Variants in PREX2 observed in about 807,000 individuals in gnomAD.
PREX2 encodes phosphatidylinositol 3,4,5-trisphosphate-dependent Rac exchanger 2 protein.
Under a neutral mutation model 203.2 loss-of-function variants are expected in PREX2, and 107 were observed. The ratio of observed to expected loss-of-function variants is 0.53; its 90% CI spans 0.45 to 0.62. The LOEUF is 0.62. PREX2 is among the 20% of genes least tolerant of loss of function. PREX2 has a pLI of 0.00. For missense variants in PREX2, 1,777 were observed against 1,955.9 expected, an observed-to-expected ratio of 0.91 and a Z score of 1.72; for synonymous variants, 672 against 663.6, an observed-to-expected ratio of 1.01 and a Z score of -0.19.
chr8:68,084,451 A>G (rs1010293035), intron 18 of PREX2, among the ~76,000 whole-genome samples: 27 of 152,190 alleles, frequency 1.8e-4, no homozygotes, highest in Non-Finnish European at 7.3e-5. Flanking sequence ...TATATGTTAT[A>G]TATATTCAGG....
In PREX2 at chr8:68,231,685, T is replaced by C. The variant is rs1813174027; in HGVS notation, c.*307T>C. The C allele has an allele frequency of 3.9e-6, 1 of 257,748 alleles. No individual in the cohort carries two copies. The highest frequency in any genetic ancestry group is 7.3e-6 in the Non-Finnish European group (1 of 136,954). The allele number at this position is 257,748 out of a possible 1,614,324, so 16.0% of individuals were successfully genotyped here. A position where few individuals can be genotyped will look rare whatever the true frequency, so the allele number is the denominator to read the frequency against. On this transcript the variant is annotated 3_prime_UTR_variant, in exon 40 of 40. Transcript: ENST00000288368. ...CATAAAGAAAAAAATATTAGAGATT[T>C]AAAAATTAACCACCATGCCTCCTCT... is the stretch of plus-strand genomic sequence containing the variant.
chr8:67,968,157 C>G (rs531785965), intron 1 of PREX2, among the ~76,000 whole-genome samples: 28 of 152,066 alleles, frequency 1.8e-4, no homozygotes, highest in African/African-American at 6.7e-4. Context: ...GAAATGACTC[C>G]CTTGAGGCTT....
chr8:68,108,222 G>A lies in PREX2; in HGVS notation c.2829G>A (p.Met943Ile), dbSNP rs752561848. Residue 943 changes from methionine (M) to isoleucine (I), a missense_variant, in exon 24 of 40, where the codon ATG becomes ATA. Transcript: ENST00000288368. Reference sequence around the variant, plus strand: ...CTACCAACTGCCATGTCAATGTGATGGAAGTTTCTTATCCCAAAACATCAA... The same window carrying A: ...CTACCAACTGCCATGTCAATGTGATAGAAGTTTCTTATCCCAAAACATCAA... ...FCPTNCHVNV[M>I]EVSYPKTSTS... is the part of the protein sequence containing the mutation. 6.2e-7 allele frequency: 1 copy of A among 1,613,936 alleles called. No homozygotes were observed. The highest frequency in any genetic ancestry group is 8.5e-7 in the Non-Finnish European group (1 of 1,179,868).
At chr8:68,208,337 C>T (rs911120601) in intron 37 of PREX2, among the ~76,000 whole-genome samples, 3 of 151,850 alleles carry the variant, frequency 2.0e-5, no homozygotes, top group Non-Finnish European at 4.4e-5. Context: ...TTACTCTAGA[C>T]ATGAAATAAG....
At chr8:68,132,266 GT>G (rs1222737828) in intron 31 of PREX2, among the ~76,000 whole-genome samples, 3 of 151,314 alleles carry the variant, frequency 2.0e-5, no homozygotes, top group Non-Finnish European at 4.4e-5. Flanking sequence ...TAGGTGTTTA[GT>G]TTTTTTTCTT....
intron 8 of PREX2, among the ~76,000 whole-genome samples, chr8:68,050,077 T>C (rs1485738435): frequency 1.3e-5 from 2 of 152,086 alleles, no homozygotes; most frequent in African/African-American, 2.4e-5. Context: ...TATATATATG[T>C]TTATAATTAC....
chr8:68,035,752 G>A (rs1241529070), intron 6 of PREX2, among the ~76,000 whole-genome samples: 2 of 152,260 alleles, frequency 1.3e-5, no homozygotes, highest in Admixed American at 1.3e-4. Context: ...CATGATGGTA[G>A]ATTACTGTGG....
At chr8:68,213,087 G>A (rs1028790278) in intron 37 of PREX2, among the ~76,000 whole-genome samples, 1 of 152,132 alleles carries the variant, frequency 6.6e-6, no homozygotes, top group Non-Finnish European at 1.5e-5. Flanking sequence ...TACTCTGGAT[G>A]CCATTTCTAC....
intron 35 of PREX2, among the ~76,000 whole-genome samples, chr8:68,161,584 C>T (rs908517170): frequency 2.6e-5 from 4 of 152,038 alleles, no homozygotes; most frequent in Non-Finnish European, 2.9e-5. Context: ...ATCCATCTTC[C>T]GCAAACCTTC....
At chr8:68,003,811 T>C (rs1364670953) in intron 1 of PREX2, among the ~76,000 whole-genome samples, 2 of 150,674 alleles carry the variant, frequency 1.3e-5, no homozygotes, top group African/African-American at 4.9e-5. Flanking sequence ...GGTTCCTATA[T>C]CAGCCTCCAC....
At chr8:68,042,103 A>G (rs1212090543) in intron 7 of PREX2, among the ~76,000 whole-genome samples, 4 of 152,002 alleles carry the variant, frequency 2.6e-5, no homozygotes, top group African/African-American at 7.2e-5. Flanking sequence ...TCACTCCTTT[A>G]TGAACTTCAC....
At chr8:68,161,959 A>G (rs1026777701) in intron 35 of PREX2, among the ~76,000 whole-genome samples, 12 of 152,218 alleles carry the variant, frequency 7.9e-5, no homozygotes, top group Admixed American at 7.9e-4. Context: ...GGAGCAAGTC[A>G]CATCTTACAT....
chr8:68,115,021 C>CTTTTTTTTTTTTTTTTTTTT (rs5892137), intron 25 of PREX2, among the ~76,000 whole-genome samples: 8 of 86,868 alleles, frequency 9.2e-5, no homozygotes, highest in Non-Finnish European at 8.2e-5. Context: ...TCTTTTCTTT[C>CTTTTTTTTTTTTTTTTTTTT]TTTTTTTTTT....
intron 35 of PREX2, among the ~76,000 whole-genome samples, chr8:68,176,561 C>G (rs1458827006): frequency 9.2e-5 from 14 of 152,122 alleles, no homozygotes; most frequent in Admixed American, 7.9e-4. Flanking sequence ...TATTTTCAAG[C>G]CTGTTTTCTA....
intron 7 of PREX2, among the ~76,000 whole-genome samples, chr8:68,042,450 T>C (rs1808227417): frequency 6.6e-6 from 1 of 152,080 alleles, no homozygotes; most frequent in African/African-American, 2.4e-5. Context: ...GTATTCAACA[T>C]AGTTTCTAAA....
intron 38 of PREX2, among the ~76,000 whole-genome samples, chr8:68,221,287 C>T (rs1812949129): frequency 6.6e-6 from 1 of 152,150 alleles, no homozygotes; most frequent in African/African-American, 2.4e-5. Flanking sequence ...AGGTTGATTC[C>T]ATGACTTTGC....
At chr8:68,107,243 G>A (rs1810435742) in intron 23 of PREX2, among the ~76,000 whole-genome samples, 1 of 152,116 alleles carries the variant, frequency 6.6e-6, no homozygotes, top group Non-Finnish European at 1.5e-5. Flanking sequence ...GAACATTCTA[G>A]GCCCACTGAA....
At chr8:68,221,759 T>C (rs1168192908) in intron 38 of PREX2, among the ~76,000 whole-genome samples, 2 of 152,210 alleles carry the variant, frequency 1.3e-5, no homozygotes, top group Non-Finnish European at 2.9e-5. Context: ...TCAGTTTTAT[T>C]TGAAACCTTT....
chr8:68,136,127 G>A (rs1811108668), intron 32 of PREX2, among the ~76,000 whole-genome samples: 2 of 152,118 alleles, frequency 1.3e-5, no homozygotes, highest in Admixed American at 1.3e-4. Context: ...ATCTTTGGGG[G>A]TTGATAAAAA....
Sources: gnomAD v4.1 joint callset for allele counts (sites outside exome capture counted in the v4.1 genomes callset) on GRCh38, gnomAD v4.1.1 for gene constraint, MANE v1.5 for transcripts, NCBI Gene and HGNC (gene_info 2026-07-23, HGNC 2026-07-21) for gene names.